The following NLGN4X variants were observed in gnomAD, a reference collection of about 807,000 sequenced individuals.
NLGN4X encodes neuroligin-4, X-linked.
NLGN4X carries 3 observed loss-of-function variants against 40.3 expected under a neutral mutation model. The observed-to-expected ratio is 0.07, with a 90% CI of 0.03 to 0.19. The LOEUF (loss-of-function observed/expected upper bound fraction) is 0.19. NLGN4X is among the 10% of genes least tolerant of loss of function. The pLI is 1.00. For missense variants in NLGN4X, 382 were observed against 708.3 expected (o/e 0.54, Z 5.23); for synonymous variants, 270 against 306.8 (o/e 0.88, Z 1.25).
chrX:6,047,018 A>G (rs2037342914), intron 2 of NLGN4X, among the ~76,000 whole-genome samples: 1 of 109,118 alleles, frequency 9.2e-6, no homozygotes, highest in African/African-American at 3.3e-5. Context: ...TAAATAATAG[A>G]ATCATTTAGG....
chrX:6,168,740 G>A (rs1240373527), intron 1 of NLGN4X, among the ~76,000 whole-genome samples: 6 of 111,384 alleles, frequency 5.4e-5, no homozygotes, highest in African/African-American at 2.0e-4. Context: ...CCAAAGTGCT[G>A]GGATTATAGG....
At chrX:6,189,472 T>C (rs752742285) in intron 1 of NLGN4X, among the ~76,000 whole-genome samples, 1 of 112,329 alleles carries the variant, frequency 8.9e-6, no homozygotes, top group South Asian at 3.7e-4. Context: ...TGCAGAGACA[T>C]ACTGATAATG....
At chrX:6,028,719 A>G (rs1426983876) in intron 3 of NLGN4X, among the ~76,000 whole-genome samples, 1 of 111,919 alleles carries the variant, frequency 8.9e-6, no homozygotes, top group Non-Finnish European at 1.9e-5. Flanking sequence ...AGGAGGAACT[A>G]AACTTGAATT....
At chrX:6,045,011 C>T (rs779177479) in intron 2 of NLGN4X, among the ~76,000 whole-genome samples, 7 of 111,687 alleles carry the variant, frequency 6.3e-5, no homozygotes, top group African/African-American at 2.0e-4. Context: ...AAGCATACTC[C>T]AATAAAATAT....
At chrX:6,200,687 C>CTTTTTTTTTTTCTTTTTT (rs1556005144) in intron 1 of NLGN4X, among the ~76,000 whole-genome samples, 7 of 55,577 alleles carry the variant, frequency 1.3e-4, no homozygotes, top group East Asian at 4.6e-4. Flanking sequence ...CTTTCCTTTT[C>CTTTTTTTTTTTCTTTTTT]TTTTTTTTTT....
Position 5,893,074 on chromosome X carries a change from G to C in NLGN4X, c.2194C>G (p.Leu732Val), listed in dbSNP as rs777508939. The change falls in exon 6 of 6, where the codon CTG becomes GTG. Residue 732 changes from leucine to valine, a missense_variant. Physicochemically the swap from Leu to Val is conservative, Grantham distance 32. This residue lies in a region of NLGN4X where 149 missense variants were observed against 375.8 expected (regional missense o/e 0.40). Transcript: ENST00000381095. ...AHIQNEEIMS[L>V]QMKQLEHDHE... is the part of the protein sequence containing the mutation. ...TCGTGTTCCAGCTGCTTCATCTGCA[G>C]AGACATGATCTCTTCGTTCTGGATG... 8.3e-7 allele frequency: 1 copy of C among 1,209,409 alleles called. No homozygotes were observed. Among genetic ancestry groups the C allele is most frequent in the Non-Finnish European group, 1.1e-6 (1 of 895,164 alleles).
At chrX:5,904,511 C>G (rs2032074915) in intron 4 of NLGN4X, among the ~76,000 whole-genome samples, 1 of 111,979 alleles carries the variant, frequency 8.9e-6, no homozygotes, top group Admixed American at 9.5e-5. Flanking sequence ...TAGGTCACTT[C>G]TTTCAAAACT....
chrX:6,171,492 T>A (rs938001726), intron 1 of NLGN4X, among the ~76,000 whole-genome samples: 6 of 112,030 alleles, frequency 5.4e-5, no homozygotes, highest in African/African-American at 1.6e-4. Context: ...GGATTCCCCA[T>A]CTTTCTATTT....
At chrX:6,012,873 A>C (rs760542932) in intron 3 of NLGN4X, among the ~76,000 whole-genome samples, 1 of 111,706 alleles carries the variant, frequency 9.0e-6, no homozygotes, top group Non-Finnish European at 1.9e-5. Flanking sequence ...CTGGTTTCCC[A>C]AACTATGAGA....
intron 1 of NLGN4X, among the ~76,000 whole-genome samples, chrX:6,196,297 AT>A: frequency 9.0e-6 from 1 of 111,413 alleles, no homozygotes; most frequent in Non-Finnish European, 1.9e-5. Context: ...CACGCCTGTA[AT>A]CCCAGCTACT....
intron 2 of NLGN4X, among the ~76,000 whole-genome samples, chrX:6,120,276 C>T (rs2039394405): frequency 9.0e-6 from 1 of 111,695 alleles, no homozygotes; most frequent in Non-Finnish European, 1.9e-5. Context: ...TGATGACTAC[C>T]CCCATACGAA....
intron 2 of NLGN4X, chrX:6,061,638 T>A (rs185657066): frequency 1.3e-4 from 14 of 111,746 alleles, no homozygotes; most frequent in Admixed American, 1.1e-3. Flanking sequence ...CTCATTCTTT[T>A]TTCCCCTCTG....
intron 1 of NLGN4X, among the ~76,000 whole-genome samples, chrX:6,180,963 T>C (rs754718372): frequency 8.9e-6 from 1 of 111,950 alleles, no homozygotes; most frequent in South Asian, 3.8e-4. Flanking sequence ...AAAGCGAAGA[T>C]AAAGCATTCT....
At chrX:6,036,643 C>CACACACAG (rs1177520572) in intron 2 of NLGN4X, among the ~76,000 whole-genome samples, 2 of 109,321 alleles carry the variant, frequency 1.8e-5, no homozygotes, top group Admixed American at 2.0e-4. Flanking sequence ...CACACACACA[C>CACACACAG]AGCCCAAATA....
chrX:6,064,362 G>A (rs753111339), intron 2 of NLGN4X, among the ~76,000 whole-genome samples: 16 of 111,691 alleles, frequency 1.4e-4, no homozygotes, highest in East Asian at 2.8e-4. Flanking sequence ...TGACTTTATC[G>A]CCTCAAAAAC....
chrX:6,032,659 C>G, intron 2 of NLGN4X: 2 of 1,034,689 alleles, frequency 1.9e-6, no homozygotes, highest in South Asian at 2.2e-5. Context: ...AAATCATGCA[C>G]TGGGGTTGAG....
chrX:6,075,951 A>G (rs1301193420), intron 2 of NLGN4X, among the ~76,000 whole-genome samples: 1 of 111,989 alleles, frequency 8.9e-6, no homozygotes, highest in Non-Finnish European at 1.9e-5. Context: ...AAATGAAGAC[A>G]GTGTGAATTT....
intron 2 of NLGN4X, among the ~76,000 whole-genome samples, chrX:6,079,871 G>A (rs2038302111): frequency 9.0e-6 from 1 of 111,274 alleles, no homozygotes; most frequent in African/African-American, 3.3e-5. Flanking sequence ...TGAGGTCTCT[G>A]TTCTAAATTT....
chrX:6,006,932 C>T (rs1372716919), intron 3 of NLGN4X, among the ~76,000 whole-genome samples: 1 of 111,032 alleles, frequency 9.0e-6, no homozygotes, highest in Non-Finnish European at 1.9e-5. Context: ...TTTGGCCCAG[C>T]AATCCCACTT....
Sources: allele counts gnomAD v4.1 joint callset (sites outside exome capture counted in the v4.1 genomes callset), GRCh38; gene constraint gnomAD v4.1.1; regional missense constraint gnomAD v4.1.1; transcripts MANE v1.5; gene names NCBI Gene and HGNC (gene_info 2026-07-23, HGNC 2026-07-21).